FAAH: variants seen among roughly 807,000 people sequenced by gnomAD.
FAAH encodes the protein fatty acid amide hydrolase.
A neutral mutation model predicts 69.7 loss-of-function variants in FAAH; 63 were observed. The ratio of observed to expected loss-of-function variants is 0.90; its 90% CI spans 0.74 to 1.12. FAAH has a LOEUF of 1.12. Among genes scored for constraint, FAAH ranks in the 50% most tolerant of loss-of-function variants. The probability of loss-of-function intolerance (pLI) is 0.00; values close to 1 mark genes in which losing one functional copy is unlikely to be tolerated. For synonymous variants in FAAH, 305 were observed against 324.2 expected (o/e 0.94, Z 0.64); for missense variants, 680 against 755.0 (o/e 0.90, Z 1.16).
Position 46,411,643 on chromosome 1 carries a change from G to A in FAAH, c.1348G>A (p.Glu450Lys), listed in dbSNP as rs370256299. Reference protein sequence around the residue: ...SAGKLWELQHEIEVYRKTVIA... With the variant: ...SAGKLWELQHKIEVYRKTVIA... ...TGGAAAACTCTGGGAACTGCAGCAC[G>A]AGATCGAGGTGAGGCCAGAGCCTCT... The change falls in exon 12 of 15, where the codon GAG becomes AAG. Residue 450 changes from glutamate (E) to lysine (K), a missense_variant. Transcript: ENST00000243167. This position sits in a 1 kb window ranked among gnomAD's most constrained non-coding sequence, Gnocchi z 4.8. The A allele has an allele frequency of 8.7e-6, 14 of 1,613,946 alleles. No individual in the cohort carries two copies. The highest frequency in any genetic ancestry group is 1.2e-5 in the Non-Finnish European group (14 of 1,179,992).
rs1293858975 is a variant in FAAH at position 46,413,113 on chromosome 1, T to A, written c.1504T>A (p.Phe502Ile). ...CACTATGCTGTACAACTGCCTGGAC[T>A]TCCCTGCAGGGGTGGTGCCTGTCAC... The part of the protein sequence containing the change: ...SYTMLYNCLD[F>I]PAGVVPVTTV... The change falls in exon 14 of 15, where the codon TTC (phenylalanine) becomes ATC (isoleucine). Residue 502 changes from phenylalanine to isoleucine, a missense_variant. By Grantham distance (21) the Phe-to-Ile change is conservative. Coordinates refer to ENST00000243167, the MANE Select transcript of FAAH (RefSeq NM_001441.3). 6.2e-7 allele frequency: 1 copy of A among 1,614,172 alleles called. No homozygotes were observed. The highest frequency in any genetic ancestry group is 1.7e-5 in the Admixed American group (1 of 60,020).
intron 7 of FAAH, among the ~76,000 whole-genome samples, chr1:46,406,702 C>T (rs1415802071): frequency 2.0e-5 from 3 of 151,402 alleles, no homozygotes; most frequent in East Asian, 4.0e-4. Context: ...CCTGGGTTCA[C>T]GCCATTCTCC....
chr1:46,403,517 C>A (rs1003017174), intron 2 of FAAH, among the ~76,000 whole-genome samples: 3 of 152,252 alleles, frequency 2.0e-5, no homozygotes, highest in African/African-American at 7.2e-5. Context: ...TCTTGTGTCC[C>A]CAGCTCTTCA....
At chr1:46,401,697 G>C (rs1179614776) in intron 1 of FAAH, among the ~76,000 whole-genome samples, 4 of 152,166 alleles carry the variant, frequency 2.6e-5, no homozygotes, top group African/African-American at 9.7e-5. Context: ...TGACATCAGC[G>C]TGGTGTTGGC....
intron 8 of FAAH, 51 bp from the exon 9 acceptor site, chr1:46,409,050 C>G (rs750877599): frequency 1.0e-4 from 150 of 1,481,770 alleles, no homozygotes; most frequent in Non-Finnish European, 1.2e-4. Flanking sequence ...GCATGGGGAT[C>G]ATGAAGCCAG....
rs201661037 is a variant in FAAH at position 46,408,613 on chromosome 1, G to T, written c.1077+29G>T. On this transcript the variant is annotated intron_variant, in intron 8 of 14. Transcript: ENST00000243167. ...TGACTGCAGGGTCCTGGAAGTACTG[G>T]CATCTCCTCCCCTCACGGGAAGCCT... 2.5e-5 allele frequency: 41 copies of T among 1,613,968 alleles called. No homozygotes were observed. In the African/African-American group the frequency reaches 4.9e-4, roughly 19 times the overall value.
In FAAH at chr1:46,410,349, G is replaced by T; in HGVS notation, c.1176-49G>T. 6.7e-7 allele frequency: 1 copy of T among 1,492,876 alleles called. No individual in the cohort carries two copies. Among genetic ancestry groups the T allele is most frequent in the Non-Finnish European group, 9.3e-7 (1 of 1,069,532 alleles). The allele number at this position is 1,492,876 out of a possible 1,614,324, so 92.5% of individuals were successfully genotyped here. On this transcript the variant is annotated intron_variant, in intron 9 of 14. Coordinates refer to ENST00000243167, the MANE Select transcript of FAAH (RefSeq NM_001441.3). The surrounding 1 kb of genome is among the most constrained non-coding windows in gnomAD (Gnocchi z 4.9). ...TGCTGTGGGCCGGGCGAGCAAGCTG[G>T]GAAGGATGTGGGGATGGGAGTGCCT... is the stretch of plus-strand genomic sequence containing the variant.
chr1:46,407,103 A>T (rs1048144378), intron 7 of FAAH, among the ~76,000 whole-genome samples: 1 of 151,706 alleles, frequency 6.6e-6, no homozygotes, highest in Admixed American at 6.6e-5. Flanking sequence ...CTGCTACGTG[A>T]GCCAGGGTCT....
intron 1 of FAAH, among the ~76,000 whole-genome samples, chr1:46,399,429 T>A (rs1194705053): frequency 3.9e-5 from 6 of 152,194 alleles, no homozygotes; most frequent in Non-Finnish European, 8.8e-5. Flanking sequence ...TGACACTAGT[T>A]GAAGATTTAA....
At position 46,411,515 on chromosome 1, in the gene FAAH, G is replaced by A. The variant is rs1252842496; in HGVS notation, c.1317-97G>A. 9 of 1,324,252 alleles carry A rather than the reference G, an allele frequency of 6.8e-6. No homozygotes were observed. Among genetic ancestry groups the A allele is most frequent in the East Asian group, 2.4e-5 (1 of 41,302 alleles). 82.0% of individuals were successfully genotyped at this position (1,324,252 alleles called of 1,614,324 possible). ...CCCATGGGGTTGTGAAGGGTCCACG[G>A]AGGGGTGAGATCTAGAGGGTTGGCA... On this transcript the variant is annotated intron_variant, in intron 11 of 14. Transcript: ENST00000243167. This position sits in a 1 kb window ranked among gnomAD's most constrained non-coding sequence, Gnocchi z 4.8.
In FAAH at chr1:46,406,024, T is replaced by C. The variant is rs1420551584; in HGVS notation, c.786-14T>C. ...GCCATTTCCTGTTTCCAGCATCTTA[T>C]GTTTCTTATCCAGCAAGAGTGGCCT... On this transcript the variant is annotated splice_polypyrimidine_tract_variant and intron_variant, in intron 5 of 14. Coordinates refer to ENST00000243167, the MANE Select transcript of FAAH (RefSeq NM_001441.3). The C allele has an allele frequency of 1.9e-6, 3 of 1,614,140 alleles. No homozygotes were observed. Among genetic ancestry groups the C allele is most frequent in the Admixed American group, 1.7e-5 (1 of 60,030 alleles).
In FAAH at chr1:46,410,426, G is replaced by A. The variant is rs1265988322; in HGVS notation, c.1204G>A (p.Gly402Arg). ...FKGDFVDPCL[G>R]DLVSILKLPQ... ...AGGTGATTTCGTGGACCCCTGCCTG[G>A]GGGACCTGGTCTCAATTCTGAAGCT... Residue 402 changes from glycine to arginine, a missense_variant, in exon 10 of 15, where the codon GGG (glycine) becomes AGG (arginine). Gly to Arg is a moderately radical substitution (Grantham distance 125, BLOSUM62 -2). Coordinates refer to ENST00000243167, the MANE Select transcript of FAAH (RefSeq NM_001441.3). This position sits in a 1 kb window ranked among gnomAD's most constrained non-coding sequence, Gnocchi z 4.9. 2.5e-6 allele frequency: 4 copies of A among 1,613,998 alleles called. No individual in the cohort carries two copies. The South Asian group carries it at 3.3e-5, about 13-fold the overall frequency.
At chr1:46,398,433 G>A (rs964225166) in intron 1 of FAAH, among the ~76,000 whole-genome samples, 3 of 152,176 alleles carry the variant, frequency 2.0e-5, no homozygotes, top group African/African-American at 7.2e-5. Context: ...TCACAAGGGG[G>A]CACCTGAGAT....
At position 46,405,174 on chromosome 1, in the gene FAAH, T is replaced by C. The variant is rs1201112229; in HGVS notation, c.444+26T>C. On this transcript the variant is annotated intron_variant, in intron 3 of 14. Transcript: ENST00000243167. The surrounding 1 kb of genome is among the most constrained non-coding windows in gnomAD (Gnocchi z 4.1). ...GTATGCTCTGCCTCAGCGCCAGGCCTCCATCGTCCCCTCCATCCCTGCCAG... is the reference window on the plus strand; with the variant it reads ...GTATGCTCTGCCTCAGCGCCAGGCCCCCATCGTCCCCTCCATCCCTGCCAG... 1.9e-6 allele frequency: 3 copies of C among 1,613,516 alleles called. No individual in the cohort carries two copies. The highest frequency in any genetic ancestry group is 2.2e-5 in the South Asian group (2 of 91,086).
chr1:46,398,778 G>C (rs1046939344), intron 1 of FAAH, among the ~76,000 whole-genome samples: 3 of 151,850 alleles, frequency 2.0e-5, no homozygotes, highest in African/African-American at 7.3e-5. Context: ...CAGGTGATCC[G>C]CCTGCCTCGG....
At chr1:46,407,960 G>A (rs1664830668) in intron 7 of FAAH, among the ~76,000 whole-genome samples, 1 of 152,088 alleles carries the variant, frequency 6.6e-6, no homozygotes, top group African/African-American at 2.4e-5. Context: ...GGGCAGATCT[G>A]GGCTGGGTAG....
At position 46,411,487 on chromosome 1, in the gene FAAH, G is replaced by C; in HGVS notation, c.1317-125G>C. 5 of 1,029,966 alleles carry C rather than the reference G, an allele frequency of 4.9e-6. No homozygotes were observed. The highest frequency in any genetic ancestry group is 3.0e-6 in the Non-Finnish European group (2 of 669,766). The allele number at this position is 1,029,966 out of a possible 1,614,324, so 63.8% of individuals were successfully genotyped here. Reference sequence around the variant, plus strand: ...TAGGGGTTTGAACTTCCCTCTCAGAGCTCCCATGGGGTTGTGAAGGGTCCA... The same window carrying C: ...TAGGGGTTTGAACTTCCCTCTCAGACCTCCCATGGGGTTGTGAAGGGTCCA... On this transcript the variant is annotated intron_variant, in intron 11 of 14. Coordinates refer to ENST00000243167, the MANE Select transcript of FAAH (RefSeq NM_001441.3). This position sits in a 1 kb window ranked among gnomAD's most constrained non-coding sequence, Gnocchi z 4.8.
At position 46,394,393 on chromosome 1, in the gene FAAH, G is replaced by C. The variant is rs768421816; in HGVS notation, c.45G>C (p.Gly15=). The change falls in exon 1 of 15, where the codon GGG becomes GGC. Residue 15 remains glycine, a synonymous_variant. Transcript: ENST00000243167. ...ELWAALPGAS[G]VALACCFVAA... ...GGGCCGCGCTGCCTGGCGCCTCCGGGGTCGCCCTGGCCTGCTGCTTCGTGG... is the reference window on the plus strand; with the variant it reads ...GGGCCGCGCTGCCTGGCGCCTCCGGCGTCGCCCTGGCCTGCTGCTTCGTGG... 2.0e-6 allele frequency: 3 copies of C among 1,537,402 alleles called. No individual in the cohort carries two copies. The African/African-American group carries it at 4.3e-5, about 22-fold the overall frequency.
chr1:46,401,331 C>A (rs2148446512), intron 1 of FAAH, among the ~76,000 whole-genome samples: 1 of 152,168 alleles, frequency 6.6e-6, no homozygotes, highest in Non-Finnish European at 1.5e-5. Flanking sequence ...GTGGTTTCTT[C>A]AGATAGGCAG....
Sources: allele counts gnomAD v4.1 joint callset (sites outside exome capture counted in the v4.1 genomes callset), GRCh38; gene constraint gnomAD v4.1.1; non-coding constraint Gnocchi (gnomAD v3.1); transcripts MANE v1.5; gene names NCBI Gene and HGNC (gene_info 2026-07-23, HGNC 2026-07-21).